The following ATP5MG variants were observed in gnomAD, a reference collection of about 807,000 sequenced individuals.
The protein encoded by ATP5MG is ATP synthase membrane subunit g.
A neutral mutation model predicts 12.7 loss-of-function variants in ATP5MG; 7 were observed. That is an observed-to-expected ratio of 0.55 (90% confidence interval 0.31 to 1.04). The LOEUF (loss-of-function observed/expected upper bound fraction) is 1.04. Ranked by LOEUF, ATP5MG falls within the 50% of genes least tolerant of loss-of-function variation. The pLI is 0.05. For synonymous variants in ATP5MG, 53 were observed against 48.2 expected (o/e 1.10, Z -0.41); for missense variants, 116 against 126.7 (o/e 0.92, Z 0.41).
chr11:118,401,727 A>G lies in ATP5MG; in HGVS notation c.52+10A>G. ...CCGGCGCTGGTGAACGGTGAGCGCG[A>G]TGTGAGACCGCCGAGGCGGGCACAC... On this transcript the variant is annotated intron_variant, in intron 1 of 2. Coordinates refer to ENST00000300688, the MANE Select transcript of ATP5MG (RefSeq NM_006476.5). 1 of 1,610,882 alleles carries G rather than the reference A, an allele frequency of 6.2e-7. No individual in the cohort carries two copies. Among genetic ancestry groups the G allele is most frequent in the Non-Finnish European group, 8.5e-7 (1 of 1,177,756 alleles).
At chr11:118,407,976 C>G (rs1475697313) in intron 2 of ATP5MG, among the ~76,000 whole-genome samples, 1 of 152,098 alleles carries the variant, frequency 6.6e-6, no homozygotes, top group African/African-American at 2.4e-5. Context: ...TCCTGGCTAA[C>G]ACGGTGAAAC....
Position 118,401,608 on chromosome 11 carries a change from T to C in ATP5MG, c.-58T>C, listed in dbSNP as rs1369641383. The C allele has an allele frequency of 1.9e-6, 3 of 1,608,938 alleles. No individual in the cohort carries two copies. Among genetic ancestry groups the C allele is most frequent in the Admixed American group, 3.3e-5 (2 of 59,972 alleles). On this transcript the variant is annotated 5_prime_UTR_variant, in exon 1 of 3. Transcript: ENST00000300688. ...TGGGACGGGGTCCTGCAGCGGGTCC[T>C]TCCGGCGGGTGACATTCAGCCGGCG...
chr11:118,409,063 A>T lies in ATP5MG; in HGVS notation c.277A>T (p.Ile93Leu), dbSNP rs782613159. 1 of 1,608,038 alleles carries T rather than the reference A, an allele frequency of 6.2e-7. No individual in the cohort carries two copies. The highest frequency in any genetic ancestry group is 2.2e-5 in the East Asian group (1 of 44,490). Residue 93 changes from isoleucine to leucine, a missense_variant, in exon 3 of 3, where the codon ATA (isoleucine) becomes TTA (leucine). Coordinates refer to ENST00000300688, the MANE Select transcript of ATP5MG (RefSeq NM_006476.5). ...VLMWFYVGEI[I>L]GKRGIIGYDV ...GATGTGGTTTTATGTCGGAGAGATT[A>T]TAGGCAAGCGGGGCATCATTGGCTA...
intron 1 of ATP5MG, among the ~76,000 whole-genome samples, chr11:118,404,901 C>G (rs1948959176): frequency 6.6e-6 from 1 of 152,186 alleles, no homozygotes; most frequent in Non-Finnish European, 1.5e-5. Context: ...TGGACTTGTA[C>G]ATTGATTTCA....
At chr11:118,407,135 G>GA in intron 2 of ATP5MG, 38 bp downstream of exon 2, 1 of 1,611,486 alleles carries the variant, frequency 6.2e-7, no homozygotes, top group Non-Finnish European at 8.5e-7. Flanking sequence ...GTGCATAACA[G>GA]AAAATGTCTT....
chr11:118,408,966 A>T (rs782347383), intron 2 of ATP5MG, 34 bp from the exon 3 acceptor site: 186 of 852,646 alleles, frequency 2.2e-4, no homozygotes, highest in Middle Eastern at 5.0e-4. Context: ...TATATATATA[A>T]AAGGTACCTT....
chr11:118,409,651 T>A lies in ATP5MG; in HGVS notation c.*553T>A, dbSNP rs1174763480. The A allele has an allele frequency of 1.3e-5, 2 of 152,200 alleles. No homozygotes were observed. The highest frequency in any genetic ancestry group is 4.8e-5 in the African/African-American group (2 of 41,442). The allele number at this position is 152,200 out of a possible 1,614,324, so 9.4% of individuals were successfully genotyped here. On this transcript the variant is annotated 3_prime_UTR_variant, in exon 3 of 3. Transcript: ENST00000300688. ...AACAGGGTGGTATTCTAAGTATGTT[T>A]CTTTGTAACATCTTTAGCAGTAGGA...
chr11:118,409,061 T>C lies in ATP5MG; in HGVS notation c.275T>C (p.Ile92Thr), dbSNP rs1555132611. Residue 92 changes from isoleucine (I) to threonine (T), a missense_variant, in exon 3 of 3, where the codon ATT (isoleucine) becomes ACT (threonine). By Grantham distance (89) the Ile-to-Thr change is moderately conservative. Coordinates refer to ENST00000300688, the MANE Select transcript of ATP5MG (RefSeq NM_006476.5). The stretch of plus-strand genomic sequence containing the variant: ...TTGATGTGGTTTTATGTCGGAGAGA[T>C]TATAGGCAAGCGGGGCATCATTGGC... ...EVLMWFYVGE[I>T]IGKRGIIGYD... 1.2e-6 allele frequency: 2 copies of C among 1,607,582 alleles called. No individual in the cohort carries two copies. Among genetic ancestry groups the C allele is most frequent in the Non-Finnish European group, 1.7e-6 (2 of 1,176,798 alleles).
chr11:118,402,853 C>T (rs1948940760), intron 1 of ATP5MG, among the ~76,000 whole-genome samples: 1 of 151,992 alleles, frequency 6.6e-6, no homozygotes, highest in Non-Finnish European at 1.5e-5. Context: ...GCACGCACCA[C>T]CACACCCAGC....
Position 118,409,076 on chromosome 11 carries a change from G to A in ATP5MG, c.290G>A (p.Gly97Asp). Residue 97 changes from glycine to aspartate, a missense_variant, in exon 3 of 3, where the codon GGC (glycine) becomes GAC (aspartate). Gly to Asp is a moderately conservative substitution (Grantham distance 94, BLOSUM62 -1). Transcript: ENST00000300688. ...FYVGEIIGKR[G>D]IIGYDV is the part of the protein sequence containing the mutation. ...GTCGGAGAGATTATAGGCAAGCGGGGCATCATTGGCTATGATGTTTGAAGA... is the reference window on the plus strand; with the variant it reads ...GTCGGAGAGATTATAGGCAAGCGGGACATCATTGGCTATGATGTTTGAAGA... The A allele has an allele frequency of 1.9e-6, 3 of 1,606,822 alleles. No homozygotes were observed. The highest frequency in any genetic ancestry group is 2.6e-6 in the Non-Finnish European group (3 of 1,176,232).
At chr11:118,407,917 C>CT (rs1214355985) in intron 2 of ATP5MG, among the ~76,000 whole-genome samples, 1 of 152,058 alleles carries the variant, frequency 6.6e-6, no homozygotes, top group Non-Finnish European at 1.5e-5. Flanking sequence ...AATCCCAGCA[C>CT]TTTGGGAGGC....
At chr11:118,407,145 T>G in intron 2 of ATP5MG, 48 bp downstream of exon 2, 1 of 1,608,178 alleles carries the variant, frequency 6.2e-7, no homozygotes. Flanking sequence ...GAAAATGTCT[T>G]CCCTTGGGAT....
intron 2 of ATP5MG, chr11:118,407,324 G>A: frequency 1.7e-6 from 1 of 590,482 alleles, no homozygotes; most frequent in Non-Finnish European, 2.7e-6. Flanking sequence ...CTTAAACCTA[G>A]CAAAAAAGTG....
intron 2 of ATP5MG, among the ~76,000 whole-genome samples, chr11:118,408,624 G>C (rs953434594): frequency 1.3e-5 from 2 of 152,048 alleles, no homozygotes; most frequent in African/African-American, 2.4e-5. Flanking sequence ...TCAGAGACTC[G>C]GCCTTCCTAT....
Position 118,409,129 on chromosome 11 carries a change from A to G in ATP5MG, c.*31A>G. The G allele has an allele frequency of 6.8e-7, 1 of 1,479,154 alleles. No homozygotes were observed. The highest frequency in any genetic ancestry group is 1.2e-5 in the South Asian group (1 of 83,572). 91.6% of individuals were successfully genotyped at this position (1,479,154 alleles called of 1,614,324 possible). On this transcript the variant is annotated 3_prime_UTR_variant, in exon 3 of 3. Coordinates refer to ENST00000300688, the MANE Select transcript of ATP5MG (RefSeq NM_006476.5). ...AATCTTTAACATCTGATTATATTTG[A>G]TTTATTATTTGAGTGTTGTTGGACC...
intron 1 of ATP5MG, chr11:118,405,603 CAATT>C (rs1339240434): frequency 2.3e-5 from 21 of 931,372 alleles, no homozygotes; most frequent in Admixed American, 6.2e-5. Flanking sequence ...ATAATATTGA[CAATT>C]GATTGACTTA....
In ATP5MG at chr11:118,406,554, T is replaced by G. The variant is rs144294935; in HGVS notation, c.53-383T>G. The stretch of plus-strand genomic sequence containing the variant: ...TCTTCACCTCTTTCTTCAAATTTGC[T>G]GGTCTCTCTCCAAGAAAATATGAAT... On this transcript the variant is annotated intron_variant, in intron 1 of 2. Coordinates refer to ENST00000300688, the MANE Select transcript of ATP5MG (RefSeq NM_006476.5). 1.4e-3 allele frequency: 270 copies of G among 193,554 alleles called. 3 individuals carry two copies. In the East Asian group the frequency reaches 0.028, roughly 20 times the overall value. The allele number at this position is 193,554 out of a possible 1,614,324, so 12.0% of individuals were successfully genotyped here. A position where few individuals can be genotyped will look rare whatever the true frequency, so the allele number is the denominator to read the frequency against.
At chr11:118,402,763 G>A (rs781809412) in intron 1 of ATP5MG, among the ~76,000 whole-genome samples, 1 of 145,572 alleles carries the variant, frequency 6.9e-6, no homozygotes, top group Non-Finnish European at 1.5e-5. Flanking sequence ...GTGCAGTGCA[G>A]ATCACAGCTC....
At chr11:118,401,814 C>T (rs1054827138) in intron 1 of ATP5MG, 97 bp downstream of exon 1, 33 of 1,431,602 alleles carry the variant, frequency 2.3e-5, no homozygotes, top group Non-Finnish European at 3.0e-5. Flanking sequence ...ACCCGAGGGG[C>T]CTGCGGGTGC....
Sources: allele counts gnomAD v4.1 joint callset (sites outside exome capture counted in the v4.1 genomes callset), GRCh38; gene constraint gnomAD v4.1.1; transcripts MANE v1.5; gene names NCBI Gene and HGNC (gene_info 2026-07-23, HGNC 2026-07-21).